Variants in HMCN1 observed in about 807,000 individuals in gnomAD.
The protein encoded by HMCN1 is hemicentin 1.
Under a neutral mutation model 625.9 loss-of-function variants are expected in HMCN1, and 321 were observed. The observed-to-expected ratio is 0.51, with a 90% CI of 0.47 to 0.56. The LOEUF (loss-of-function observed/expected upper bound fraction) is 0.56. HMCN1 is among the 20% of genes least tolerant of loss of function. The probability of loss-of-function intolerance (pLI) is 0.00; values close to 1 mark genes in which losing one functional copy is unlikely to be tolerated. For synonymous variants in HMCN1, 2,425 were observed against 2,417.6 expected, an observed-to-expected ratio of 1.00 and a Z score of -0.09; for missense variants, 6,588 against 6,887.3, an observed-to-expected ratio of 0.96 and a Z score of 1.54.
At chr1:186,019,371 T>G (rs1654566417) in intron 34 of HMCN1, among the ~76,000 whole-genome samples, 170 bp from the exon 35 acceptor site, 1 of 152,034 alleles carries the variant, frequency 6.6e-6, no homozygotes, top group African/African-American at 2.4e-5. Flanking sequence ...ATCTATAAAC[T>G]TGCTAAAAAA....
intron 3 of HMCN1, among the ~76,000 whole-genome samples, chr1:185,864,949 C>T (rs778159273): frequency 7.9e-5 from 12 of 152,320 alleles, no homozygotes; most frequent in Non-Finnish European, 1.6e-4. Context: ...ATGTTATCTC[C>T]GATGTGGAAT....
chr1:185,836,743 A>G (rs930728698), intron 1 of HMCN1, among the ~76,000 whole-genome samples: 3 of 152,086 alleles, frequency 2.0e-5, no homozygotes, highest in Non-Finnish European at 4.4e-5. Context: ...TGATAAGCAT[A>G]GTACCCAACA....
intron 104 of HMCN1, among the ~76,000 whole-genome samples, chr1:186,179,288 AAAGAT>A (rs1164740577): frequency 3.9e-5 from 6 of 152,228 alleles, no homozygotes; most frequent in Admixed American, 1.3e-4. Context: ...ACGTCACTGA[AAAGAT>A]AATATGAGTT....
intron 99 of HMCN1, among the ~76,000 whole-genome samples, 189 bp downstream of exon 99, chr1:186,166,492 G>T (rs1011502287): frequency 3.3e-5 from 5 of 152,214 alleles, no homozygotes; most frequent in African/African-American, 1.2e-4. Context: ...GCCTGCATGT[G>T]GGGCACTCTC....
chr1:185,865,684 T>C, intron 3 of HMCN1, 57 bp from the exon 4 acceptor site: 1 of 1,495,754 alleles, frequency 6.7e-7, no homozygotes, highest in East Asian at 2.3e-5. Context: ...TCAATACACA[T>C]ATTTTTTTAT....
At chr1:185,927,048 T>C (rs1667312798) in intron 9 of HMCN1, among the ~76,000 whole-genome samples, 1 of 152,210 alleles carries the variant, frequency 6.6e-6, no homozygotes, top group Non-Finnish European at 1.5e-5. Context: ...ACTGGTTGTA[T>C]GTCTTTGGAC....
intron 44 of HMCN1, among the ~76,000 whole-genome samples, chr1:186,054,482 C>T (rs921530784): frequency 4.6e-5 from 7 of 151,840 alleles, no homozygotes; most frequent in African/African-American, 1.2e-4. Flanking sequence ...AACAAGGTCG[C>T]GTGGCTTGTG....
intron 93 of HMCN1, among the ~76,000 whole-genome samples, 198 bp from the exon 94 acceptor site, chr1:186,151,002 A>T (rs1182345457): frequency 6.6e-6 from 1 of 152,102 alleles, no homozygotes; most frequent in Non-Finnish European, 1.5e-5. Flanking sequence ...TCTTAGATTT[A>T]TGGGTGATGA....
At chr1:185,771,123 T>G (rs1044546696) in intron 1 of HMCN1, among the ~76,000 whole-genome samples, 3 of 152,190 alleles carry the variant, frequency 2.0e-5, no homozygotes, top group African/African-American at 7.2e-5. Flanking sequence ...ACTAAGTATG[T>G]CTTTTTAATG....
chr1:186,124,653 CA>C (rs1661560540), intron 81 of HMCN1, among the ~76,000 whole-genome samples: 1 of 151,782 alleles, frequency 6.6e-6, no homozygotes, highest in Non-Finnish European at 1.5e-5. Context: ...TCATAAAGGA[CA>C]AAAAATTAAC....
In HMCN1 at chr1:186,114,821, A is replaced by ATTCC; in HGVS notation, c.11280_11283dup (p.Ile3762PhefsTer17). ...TTCACTTGTGATTTCTCTTGTAGAT[A>ATTCC]TTCCATCTTGGAAAATGGATTCCTT... On this transcript the variant is annotated frameshift_variant, in exon 74 of 107. Coordinates refer to ENST00000271588, the MANE Select transcript of HMCN1 (RefSeq NM_031935.3). LOFTEE classifies it high-confidence loss of function. 1 of 1,614,208 alleles carries ATTCC rather than the reference A, an allele frequency of 6.2e-7. No homozygotes were observed. Among genetic ancestry groups the ATTCC allele is most frequent in the East Asian group, 2.2e-5 (1 of 44,888 alleles).
At chr1:186,093,083 T>C in intron 64 of HMCN1, 51 bp from the exon 65 acceptor site, 1 of 1,611,134 alleles carries the variant, frequency 6.2e-7, no homozygotes, top group Non-Finnish European at 8.5e-7. Context: ...ATGTACTTAG[T>C]GAAATAGATT....
Position 186,160,264 on chromosome 1 carries a change from A to G in HMCN1, c.15257-4847A>G, listed in dbSNP as rs1295762938. Among the ~76,000 whole-genome samples, 7 of 145,186 alleles carry G rather than the reference A, an allele frequency of 4.8e-5. No homozygotes were observed. The East Asian group carries it at 1.2e-3, about 25-fold the overall frequency. Reference sequence around the variant, plus strand: ...TTGTATTTCTGTGGGATCGGTGGTGATATCCCCTTTATCATTTTTTATTGC... The same window carrying G: ...TTGTATTTCTGTGGGATCGGTGGTGGTATCCCCTTTATCATTTTTTATTGC... On this transcript the variant is annotated intron_variant, in intron 97 of 106. Coordinates refer to ENST00000271588, the MANE Select transcript of HMCN1 (RefSeq NM_031935.3).
At chr1:185,836,845 A>G (rs1405086299) in intron 1 of HMCN1, among the ~76,000 whole-genome samples, 2 of 151,942 alleles carry the variant, frequency 1.3e-5, no homozygotes, top group African/African-American at 2.4e-5. Flanking sequence ...TATGTATTCA[A>G]TGTTTAGCTC....
At chr1:185,778,017 A>G (rs1656746032) in intron 1 of HMCN1, among the ~76,000 whole-genome samples, 1 of 152,204 alleles carries the variant, frequency 6.6e-6, no homozygotes, top group Non-Finnish European at 1.5e-5. Context: ...AAGGCCATTG[A>G]AAACAAAATG....
At chr1:186,171,496 T>C in intron 101 of HMCN1, 46 bp downstream of exon 101, 1 of 1,341,186 alleles carries the variant, frequency 7.5e-7, no homozygotes, top group Non-Finnish European at 1.1e-6. Context: ...CTCTATAACT[T>C]CTTAATGATG....
In HMCN1 at chr1:186,088,312, T is replaced by TG. The variant is rs1659644117; in HGVS notation, c.9577+36_9577+37insG. The TG allele has an allele frequency of 5.0e-6, 8 of 1,609,050 alleles. No individual in the cohort carries two copies. In the East Asian group the frequency reaches 1.8e-4, roughly 36 times the overall value. ...CATGCATTTTTGTGTGTGTGTGTGTTTTTTTCTCTTGCTCTTAATTCACTA... is the reference window on the plus strand; with the variant it reads ...CATGCATTTTTGTGTGTGTGTGTGTTGTTTTTCTCTTGCTCTTAATTCACTA... On this transcript the variant is annotated intron_variant, in intron 62 of 106. Transcript: ENST00000271588.
chr1:185,933,068 A>G (rs1412685325), intron 10 of HMCN1, among the ~76,000 whole-genome samples: 1 of 151,936 alleles, frequency 6.6e-6, no homozygotes, highest in African/African-American at 2.4e-5. Context: ...TTGAACATTT[A>G]TCTTACTCTT....
At chr1:185,891,412 T>G (rs371923862) in intron 4 of HMCN1, among the ~76,000 whole-genome samples, 2 of 148,476 alleles carry the variant, frequency 1.3e-5, no homozygotes, top group South Asian at 4.2e-4. Context: ...AGTCTCGATG[T>G]TCTTTACATT....
Sources: gnomAD v4.1 joint callset for allele counts (sites outside exome capture counted in the v4.1 genomes callset) on GRCh38, gnomAD v4.1.1 for gene constraint, MANE v1.5 for transcripts, NCBI Gene and HGNC (gene_info 2026-07-23, HGNC 2026-07-21) for gene names.